Variants in SEPTIN14 observed in about 807,000 individuals in gnomAD.
SEPTIN14 encodes the protein septin 14, also known as septin-14.
A neutral mutation model predicts 53.6 loss-of-function variants in SEPTIN14; 40 were observed. The observed-to-expected ratio is 0.75, with a 90% CI of 0.58 to 0.97. SEPTIN14 has a LOEUF of 0.97. SEPTIN14 is among the 50% of genes least tolerant of loss of function. The pLI, the probability that SEPTIN14 is intolerant of heterozygous loss-of-function variation, is 0.00. For synonymous variants in SEPTIN14, 138 were observed against 166.8 expected, an observed-to-expected ratio of 0.83 and a Z score of 1.33; for missense variants, 471 against 508.2, an observed-to-expected ratio of 0.93 and a Z score of 0.70.
intron 9 of SEPTIN14, among the ~76,000 whole-genome samples, chr7:55,804,165 C>T (rs544799394): frequency 3.2e-4 from 45 of 141,014 alleles, no homozygotes; most frequent in Middle Eastern, 3.7e-3. Context: ...AAAAAGTCTT[C>T]ATGAGATCCA....
intron 7 of SEPTIN14, among the ~76,000 whole-genome samples, chr7:55,817,476 A>ATTT (rs938944299): frequency 4.2e-5 from 6 of 143,764 alleles, no homozygotes; most frequent in African/African-American, 1.5e-4. Context: ...ATATATATAT[A>ATTT]TTTTTTTTTT....
In SEPTIN14 at chr7:55,834,477, T is replaced by C. The variant is rs769879930; in HGVS notation, c.668A>G (p.Tyr223Cys). 6.2e-7 allele frequency: 1 copy of C among 1,613,370 alleles called. No homozygotes were observed. Residue 223 changes from tyrosine (Y) to cysteine (C), a missense_variant, in exon 6 of 10, where the codon TAT (tyrosine) becomes TGT (cysteine). Transcript: ENST00000388975. ...SELISNGIQIYQLPTDEETAA... is the reference protein window; with the variant it reads ...SELISNGIQICQLPTDEETAA... ...AGTTTCTTCATCTGTTGGGAGCTGA[T>C]ATATCTGGATGCCATTGCTAATCAA...
At chr7:55,857,645 T>G (rs1189753285) in intron 2 of SEPTIN14, among the ~76,000 whole-genome samples, 4 of 122,642 alleles carry the variant, frequency 3.3e-5, no homozygotes, top group Non-Finnish European at 6.3e-5. Flanking sequence ...TGGAGTGCAG[T>G]GGCACGATCT....
intron 6 of SEPTIN14, among the ~76,000 whole-genome samples, chr7:55,827,501 ACAGGAGG>A (rs1469686148): frequency 3.9e-5 from 6 of 152,320 alleles, no homozygotes; most frequent in African/African-American, 1.4e-4. Context: ...TCCTACCTAC[ACAGGAGG>A]TAGAGCTGGT....
chr7:55,804,119 GA>G (rs1788570823), intron 9 of SEPTIN14, among the ~76,000 whole-genome samples: 1 of 110,558 alleles, frequency 9.0e-6, no homozygotes, highest in Non-Finnish European at 1.7e-5. Flanking sequence ...CTGGGTAACA[GA>G]GCAAGACTCT....
intron 7 of SEPTIN14, among the ~76,000 whole-genome samples, chr7:55,809,771 A>T (rs1458373308): frequency 2.1e-5 from 2 of 95,102 alleles, no homozygotes; most frequent in Non-Finnish European, 3.9e-5. Context: ...AATAAAAATT[A>T]AAAAAAAAAA....
intron 5 of SEPTIN14, among the ~76,000 whole-genome samples, chr7:55,835,902 C>G (rs959190534): frequency 6.6e-6 from 1 of 151,908 alleles, no homozygotes. Context: ...GCCACCATAC[C>G]CGGTTGATTT....
chr7:55,828,171 A>C (rs1789023246), intron 6 of SEPTIN14, among the ~76,000 whole-genome samples: 2 of 152,186 alleles, frequency 1.3e-5, no homozygotes, highest in South Asian at 4.1e-4. Context: ...ATCCAAGACA[A>C]AGCTGAAAAT....
intron 5 of SEPTIN14, among the ~76,000 whole-genome samples, chr7:55,838,154 G>A (rs1362252802): frequency 6.6e-6 from 1 of 152,190 alleles, no homozygotes; most frequent in African/African-American, 2.4e-5. Flanking sequence ...TCGATTTTGA[G>A]ATTTTGCTGA....
At chr7:55,807,433 C>A (rs570483776) in intron 7 of SEPTIN14, among the ~76,000 whole-genome samples, 175 bp from the exon 8 acceptor site, 1 of 152,064 alleles carries the variant, frequency 6.6e-6, no homozygotes, top group Non-Finnish European at 1.5e-5. Flanking sequence ...CTATACATAC[C>A]AACCATAGGC....
intron 7 of SEPTIN14, among the ~76,000 whole-genome samples, chr7:55,818,003 C>A: frequency 6.6e-6 from 1 of 151,902 alleles, no homozygotes; most frequent in South Asian, 2.1e-4. Flanking sequence ...AGATTGACCA[C>A]AATATATGGT....
chr7:55,847,393 CAACTTATGAT>C (rs749177509), intron 2 of SEPTIN14, among the ~76,000 whole-genome samples: 112 of 152,232 alleles, frequency 7.4e-4, no homozygotes, highest in Non-Finnish European at 1.4e-3. Flanking sequence ...AGATGCTTCT[CAACTTATGAT>C]GAGGCTATGT....
At chr7:55,817,462 A>T (rs1396843010) in intron 7 of SEPTIN14, among the ~76,000 whole-genome samples, 2 of 136,170 alleles carry the variant, frequency 1.5e-5, no homozygotes, top group East Asian at 2.5e-4. Context: ...ACAATATTTT[A>T]TATATATATA....
intron 5 of SEPTIN14, among the ~76,000 whole-genome samples, chr7:55,838,520 C>G (rs1282630895): frequency 9.8e-6 from 1 of 102,088 alleles, no homozygotes; most frequent in Non-Finnish European, 1.9e-5. Flanking sequence ...CTCCCTCCCT[C>G]CCTCCCCCCT....
At chr7:55,823,526 C>A (rs1788932972) in intron 6 of SEPTIN14, among the ~76,000 whole-genome samples, 1 of 152,182 alleles carries the variant, frequency 6.6e-6, no homozygotes, top group Non-Finnish European at 1.5e-5. Context: ...CACAGGCAGG[C>A]TGGGGCATGC....
chr7:55,829,820 C>CAAAAAAA (rs35998043), intron 6 of SEPTIN14, among the ~76,000 whole-genome samples: 15 of 37,610 alleles, frequency 4.0e-4, no homozygotes, highest in African/African-American at 8.5e-4. Flanking sequence ...GACTCCATCT[C>CAAAAAAA]AAAAAAAAAA....
intron 7 of SEPTIN14, among the ~76,000 whole-genome samples, chr7:55,807,790 G>C (rs1459693361): frequency 6.6e-6 from 1 of 152,008 alleles, no homozygotes; most frequent in African/African-American, 2.4e-5. Flanking sequence ...GATACATACA[G>C]ACTGACAGTG....
At chr7:55,828,123 A>G (rs894105209) in intron 6 of SEPTIN14, among the ~76,000 whole-genome samples, 5 of 152,080 alleles carry the variant, frequency 3.3e-5, no homozygotes, top group African/African-American at 1.2e-4. Context: ...ATGAAAGATA[A>G]TGAATTCAAA....
chr7:55,795,952 C>T lies in SEPTIN14; in HGVS notation c.1260G>A (p.Leu420=), dbSNP rs768784431. The T allele has an allele frequency of 1.9e-6, 3 of 1,594,692 alleles. No homozygotes were observed. Among genetic ancestry groups the T allele is most frequent in the Non-Finnish European group, 2.5e-6 (3 of 1,178,414 alleles). Residue 420 remains leucine (L), a synonymous_variant, in exon 10 of 10, where the codon CTG becomes CTA. Transcript: ENST00000388975. ...GTTTGTCTTTCTTTGTATCGGTGCTCAGCTGAGTCTGCAGTGCTTCGGAGG... is the reference window on the plus strand; with the variant it reads ...GTTTGTCTTTCTTTGTATCGGTGCTTAGCTGAGTCTGCAGTGCTTCGGAGG... ...KAASEALQTQ[L]STDTKKDKHR... is the part of the protein sequence containing the mutation.
Sources: allele counts gnomAD v4.1 joint callset (sites outside exome capture counted in the v4.1 genomes callset), GRCh38; gene constraint gnomAD v4.1.1; transcripts MANE v1.5; gene names NCBI Gene and HGNC (gene_info 2026-07-23, HGNC 2026-07-21).